UTS2B: variants seen among roughly 807,000 people sequenced by gnomAD.
UTS2B encodes urotensin-2B.
Under a neutral mutation model 19.2 loss-of-function variants are expected in UTS2B, and 21 were observed. That is an observed-to-expected ratio of 1.09 (90% CI 0.78 to 1.58). The LOEUF (loss-of-function observed/expected upper bound fraction) is 1.58. Ranked by LOEUF, UTS2B falls within the 40% of genes most tolerant of loss-of-function variation. The pLI, the probability that UTS2B is intolerant of heterozygous loss-of-function variation, is 0.00. For synonymous variants in UTS2B, 57 were observed against 50.2 expected, an observed-to-expected ratio of 1.14 and a Z score of -0.58; for missense variants, 138 against 130.3, an observed-to-expected ratio of 1.06 and a Z score of -0.29.
intron 4 of UTS2B, among the ~76,000 whole-genome samples, chr3:191,298,240 A>AC (rs1295693703): frequency 6.6e-6 from 1 of 152,136 alleles, no homozygotes; most frequent in Non-Finnish European, 1.5e-5. Context: ...TCCAAAAAAA[A>AC]CAGTCACTGC....
In UTS2B at chr3:191,267,941, A is replaced by G. The variant is rs1715983482; in HGVS notation, c.*475T>C. The G allele has an allele frequency of 6.6e-6, 1 of 152,286 alleles. No individual in the cohort carries two copies. Among genetic ancestry groups the G allele is most frequent in the African/African-American group, 2.4e-5 (1 of 41,454 alleles). The allele number at this position is 152,286 out of a possible 1,614,324, so 9.4% of individuals were successfully genotyped here. A position where few individuals can be genotyped will look rare whatever the true frequency, so the allele number is the denominator to read the frequency against. On this transcript the variant is annotated 3_prime_UTR_variant, in exon 9 of 9. Coordinates refer to ENST00000340524, the MANE Select transcript of UTS2B (RefSeq NM_198152.5). ...TACAAACAATCCATGGAAACAGGAC[A>G]TGAAGCTAGACAACCGCTTAGACCA...
At chr3:191,336,005 A>T in the UTS2B span, among the ~76,000 whole-genome samples, 6 of 151,806 alleles carry the variant, frequency 4.0e-5, no homozygotes, top group African/African-American at 1.2e-4. Context: ...TATAAATAAG[A>T]TCATATAGTA....
At chr3:191,330,127 G>A (rs1051611850) in intron 1 of UTS2B, among the ~76,000 whole-genome samples, 2 of 152,074 alleles carry the variant, frequency 1.3e-5, no homozygotes, top group African/African-American at 4.8e-5. Context: ...ATTCAGTTCC[G>A]TGTGGAGCCT....
chr3:191,329,820 T>G, intron 1 of UTS2B: 4 of 1,293,126 alleles, frequency 3.1e-6, no homozygotes, highest in East Asian at 2.7e-5. Flanking sequence ...CCCGCGGCCC[T>G]CGCCCGGTGC....
chr3:191,328,159 A>T (rs184221851), intron 2 of UTS2B: 22 of 152,308 alleles, frequency 1.4e-4, no homozygotes, highest in Admixed American at 1.2e-3. Context: ...CTAGCCTAAA[A>T]TCCACCTACT....
upstream of UTS2B, among the ~76,000 whole-genome samples, chr3:191,332,009 A>G (rs143055806): frequency 1.3e-3 from 205 of 152,290 alleles, 1 homozygote; most frequent in African/African-American, 4.7e-3. Flanking sequence ...TGATAGATAT[A>G]TATGCAGTTA....
intron 2 of UTS2B, among the ~76,000 whole-genome samples, chr3:191,316,739 A>G (rs1244877565): frequency 6.6e-6 from 1 of 152,214 alleles, no homozygotes; most frequent in Non-Finnish European, 1.5e-5. Flanking sequence ...AGCTAGACAC[A>G]GAGCACTGAT....
Position 191,329,954 on chromosome 3 carries a change from G to T in UTS2B, c.-665+460C>A, listed in dbSNP as rs115986233. Among the ~76,000 whole-genome samples, 22,980 of 138,290 alleles carry T rather than the reference G, an allele frequency of 0.17. 3,215 individuals carry two copies. The highest frequency in any genetic ancestry group is 0.35 in the African/African-American group (12,940 of 37,258). 90.7% of individuals were successfully genotyped at this position (138,290 alleles called of 152,430 possible). ...TCAAGGGGGTGGTTGGGGGGGGGGGGGGCTAGCAGCAGCCCCAGCAAGTAG... is the reference window on the plus strand; with the variant it reads ...TCAAGGGGGTGGTTGGGGGGGGGGGTGGCTAGCAGCAGCCCCAGCAAGTAG... On this transcript the variant is annotated intron_variant, in intron 1 of 8. Transcript: ENST00000340524.
intron 3 of UTS2B, among the ~76,000 whole-genome samples, chr3:191,309,305 G>T (rs1361702301): frequency 1.3e-5 from 2 of 151,824 alleles, no homozygotes; most frequent in Non-Finnish European, 2.9e-5. Context: ...GGGACTACAG[G>T]CGCCTACCAC....
At chr3:191,307,257 A>C (rs1717164531) in intron 3 of UTS2B, among the ~76,000 whole-genome samples, 1 of 152,290 alleles carries the variant, frequency 6.6e-6, no homozygotes, top group South Asian at 2.1e-4. Flanking sequence ...TTAGCTTGAC[A>C]TTAAAGATTC....
intron 4 of UTS2B, among the ~76,000 whole-genome samples, chr3:191,298,981 A>G (rs141730991): frequency 6.6e-6 from 1 of 152,342 alleles, no homozygotes; most frequent in African/African-American, 2.4e-5. Context: ...TTTGAAATTG[A>G]TAGTGATGAT....
chr3:191,302,641 T>C (rs1363386128), intron 4 of UTS2B, among the ~76,000 whole-genome samples: 3 of 152,202 alleles, frequency 2.0e-5, no homozygotes, highest in African/African-American at 7.2e-5. Context: ...TTAAGTCCAT[T>C]AACTACTATA....
intron 3 of UTS2B, among the ~76,000 whole-genome samples, chr3:191,312,762 G>A (rs1291040021): frequency 6.6e-6 from 1 of 152,166 alleles, no homozygotes; most frequent in Non-Finnish European, 1.5e-5. Flanking sequence ...TCATCTTGAG[G>A]ATTGGCTTTT....
upstream of UTS2B, among the ~76,000 whole-genome samples, chr3:191,333,665 A>G (rs994694611): frequency 1.3e-5 from 2 of 152,188 alleles, no homozygotes; most frequent in African/African-American, 2.4e-5. Flanking sequence ...GCAACTATTC[A>G]GTAAATATTT....
intron 5 of UTS2B, among the ~76,000 whole-genome samples, chr3:191,280,648 T>C (rs4687207): frequency 0.52 from 78,372 of 151,874 alleles, 21,639 homozygotes; most frequent in Middle Eastern, 0.63. Context: ...GTGATATATG[T>C]ATATCACTGT....
Position 191,323,851 on chromosome 3 carries a change from T to C in UTS2B, c.-586+4780A>G, listed in dbSNP as rs115186952. Among the ~76,000 whole-genome samples, 266 of 151,974 alleles carry C rather than the reference T, an allele frequency of 1.8e-3. 2 individuals are homozygous for C. Among genetic ancestry groups the C allele is most frequent in the African/African-American group, 6.0e-3 (249 of 41,462 alleles). ...AATGTGGGGTACCTCTAGGAGTGAGTTGGAGAGAGAGAAGTGGTACTTGGA... is the reference window on the plus strand; with the variant it reads ...AATGTGGGGTACCTCTAGGAGTGAGCTGGAGAGAGAGAAGTGGTACTTGGA... On this transcript the variant is annotated intron_variant, in intron 2 of 8. Transcript: ENST00000340524.
At chr3:191,271,645 A>T (rs564179490) in intron 8 of UTS2B, among the ~76,000 whole-genome samples, 1 of 152,144 alleles carries the variant, frequency 6.6e-6, no homozygotes, top group South Asian at 2.1e-4. Flanking sequence ...ACTCTGCCTC[A>T]TCTGCTCAGT....
chr3:191,305,421 A>G lies in UTS2B; in HGVS notation c.-181-873T>C, dbSNP rs1717110697. ...ATTTTCATTTCTCTAATGATCAGTG[A>G]TGTTGAGCTTCTTTGCATATAATTC... On this transcript the variant is annotated intron_variant, in intron 3 of 8. Coordinates refer to ENST00000340524, the MANE Select transcript of UTS2B (RefSeq NM_198152.5). Among the ~76,000 whole-genome samples the G allele has an allele frequency of 2.6e-5, 4 of 152,232 alleles. No homozygotes were observed. The South Asian group carries it at 8.3e-4, about 32-fold the overall frequency.
At chr3:191,320,213 A>G (rs1717578177) in intron 2 of UTS2B, among the ~76,000 whole-genome samples, 2 of 152,234 alleles carry the variant, frequency 1.3e-5, no homozygotes. Flanking sequence ...GAAAGTCACT[A>G]GGAGAAGGTG....
Sources: gnomAD v4.1 joint callset for allele counts (sites outside exome capture counted in the v4.1 genomes callset) on GRCh38, gnomAD v4.1.1 for gene constraint, MANE v1.5 for transcripts, NCBI Gene and HGNC (gene_info 2026-07-23, HGNC 2026-07-21) for gene names.